The following COL18A1 variants were observed in gnomAD, a reference collection of about 807,000 sequenced individuals.
COL18A1 encodes the protein collagen alpha-1(XVIII) chain.
A neutral mutation model predicts 168.0 loss-of-function variants in COL18A1; 133 were observed. The observed-to-expected ratio is 0.79, with a 90% CI of 0.69 to 0.91. COL18A1 has a LOEUF of 0.91. Among genes scored for constraint, COL18A1 ranks in the 40% least tolerant of loss-of-function variants. The probability of loss-of-function intolerance (pLI) is 0.00; values close to 1 mark genes in which losing one functional copy is unlikely to be tolerated. For synonymous variants in COL18A1, 949 were observed against 809.0 expected (o/e 1.17, Z -2.94); for missense variants, 2,126 against 1,925.4 (o/e 1.10, Z -1.95).
At position 45,477,460 on chromosome 21, in the gene COL18A1, C is replaced by A; in HGVS notation, c.978C>A (p.Val326=). Residue 326 remains valine, a synonymous_variant, in exon 7 of 42, where the codon GTC becomes GTA. Coordinates refer to ENST00000651438, the MANE Select transcript of COL18A1 (RefSeq NM_001379500.1). The part of the protein sequence containing the change: ...SDSVSTWDGS[V]RTPGGRVKEG... ...CTGTCTCCACGTGGGACGGGAGTGT[C>A]CGGACCCCTGGGGGCCGCGTGAAAG... The A allele has an allele frequency of 6.2e-7, 1 of 1,612,684 alleles. No homozygotes were observed. Among genetic ancestry groups the A allele is most frequent in the Non-Finnish European group, 8.5e-7 (1 of 1,179,456 alleles).
intron 2 of COL18A1, among the ~76,000 whole-genome samples, chr21:45,442,185 G>A (rs1324465880): frequency 6.6e-6 from 1 of 152,216 alleles, no homozygotes; most frequent in Non-Finnish European, 1.5e-5. Context: ...CCTTGAGCCT[G>A]GACACTGGCC....
chr21:45,495,699 TACAC>T (rs943149141), intron 29 of COL18A1: 12 of 435,978 alleles, frequency 2.8e-5, no homozygotes, highest in South Asian at 2.0e-4. Flanking sequence ...TACATGCCCA[TACAC>T]ACGCGCACAC....
At chr21:45,436,701 C>T (rs1198506027) in intron 2 of COL18A1, among the ~76,000 whole-genome samples, 1 of 149,352 alleles carries the variant, frequency 6.7e-6, no homozygotes, top group Non-Finnish European at 1.5e-5. Context: ...TGAGGCTGCT[C>T]AGGGGACTGC....
At chr21:45,467,201 G>A (rs2035243050) in intron 2 of COL18A1, 5 of 981,178 alleles carry the variant, frequency 5.1e-6, no homozygotes, top group South Asian at 4.7e-5. Context: ...CCCCCCTCCC[G>A]TGGGCAGGAA....
chr21:45,478,291 A>C (rs1323892447), intron 8 of COL18A1, 36 bp from the exon 9 acceptor site: 2 of 1,613,794 alleles, frequency 1.2e-6, no homozygotes, highest in Non-Finnish European at 8.5e-7. Flanking sequence ...CGGAGGAGTC[A>C]TTTCCCATCA....
At chr21:45,491,670 G>A (rs2036358782) in intron 22 of COL18A1, among the ~76,000 whole-genome samples, 1 of 152,202 alleles carries the variant, frequency 6.6e-6, no homozygotes, top group Non-Finnish European at 1.5e-5. Flanking sequence ...TGCACCCTTG[G>A]CCCCTCTGGT....
intron 2 of COL18A1, chr21:45,455,472 G>C (rs1403465168): frequency 2.5e-6 from 4 of 1,603,184 alleles, no homozygotes; most frequent in Non-Finnish European, 3.4e-6. Flanking sequence ...AGCCTGGCTA[G>C]CCCCACCTCC....
chr21:45,498,504 G>A lies in COL18A1; in HGVS notation c.2683+843G>A, dbSNP rs1336493266. The A allele has an allele frequency of 1.4e-5, 10 of 715,882 alleles. No homozygotes were observed. Among genetic ancestry groups the A allele is most frequent in the Non-Finnish European group, 1.8e-5 (7 of 384,974 alleles). 44.3% of individuals were successfully genotyped at this position (715,882 alleles called of 1,614,324 possible). A position where few individuals can be genotyped will look rare whatever the true frequency, so the allele number is the denominator to read the frequency against. On this transcript the variant is annotated intron_variant, in intron 32 of 41. Transcript: ENST00000651438. This position sits in a 1 kb window ranked among gnomAD's most constrained non-coding sequence, Gnocchi z 4.5. ...CGCCAGGGTCCCCTCTCGCTGCCAG[G>A]GTCCTCTGCAGAGGAGGCCGCCATA... is the stretch of plus-strand genomic sequence containing the variant.
chr21:45,417,164 G>A (rs774666286), intron 2 of COL18A1, among the ~76,000 whole-genome samples: 2 of 152,136 alleles, frequency 1.3e-5, no homozygotes, highest in South Asian at 2.1e-4. Flanking sequence ...CTGGGATCCC[G>A]GAGAGCCCGC....
chr21:45,464,867 G>A (rs912244911), intron 2 of COL18A1, among the ~76,000 whole-genome samples: 1 of 152,166 alleles, frequency 6.6e-6, no homozygotes, highest in Non-Finnish European at 1.5e-5. Flanking sequence ...GCATCCCCTT[G>A]CCACGTAAAA....
chr21:45,478,229 G>A (rs762966603), intron 8 of COL18A1, 98 bp from the exon 9 acceptor site: 21 of 1,533,100 alleles, frequency 1.4e-5, no homozygotes, highest in Admixed American at 3.4e-5. Context: ...CTGCCGCCTC[G>A]TGGGGACTTG....
rs371933414 is a variant in COL18A1 at position 45,505,194 on chromosome 21, G to A, written c.2929G>A (p.Gly977Ser). 3.4e-5 allele frequency: 54 copies of A among 1,604,934 alleles called. No individual in the cohort carries two copies. Among genetic ancestry groups the A allele is most frequent in the Middle Eastern group, 1.7e-4 (1 of 6,024 alleles). The change falls in exon 35 of 42, where the codon GGC becomes AGC. Residue 977 changes from glycine (G) to serine (S), a missense_variant. Gly to Ser is a moderately conservative substitution (Grantham distance 56). Transcript: ENST00000651438. ...PGPPGPQGPP[G>S]IGYEGRQGPP... ...CCCACCTGGACCTCAGGGACCCCCCGGCATCGGCTACGAGGGGCGCCAGGG... is the reference window on the plus strand; with the variant it reads ...CCCACCTGGACCTCAGGGACCCCCCAGCATCGGCTACGAGGGGCGCCAGGG...
At chr21:45,484,270 T>C (rs1252489614) in intron 15 of COL18A1, among the ~76,000 whole-genome samples, 3 of 98,904 alleles carry the variant, frequency 3.0e-5, no homozygotes, top group African/African-American at 4.2e-5. Flanking sequence ...CACACACACA[T>C]AGGCACACAC....
At chr21:45,494,313 G>C in intron 26 of COL18A1, 1 of 552,066 alleles carries the variant, frequency 1.8e-6, no homozygotes, top group South Asian at 1.9e-5. Flanking sequence ...CAACCTGGAC[G>C]CAAACCCCAA....
chr21:45,462,490 T>A (rs1325178530), intron 2 of COL18A1, among the ~76,000 whole-genome samples: 1 of 152,230 alleles, frequency 6.6e-6, no homozygotes, highest in East Asian at 1.9e-4. Flanking sequence ...TATCTTATCT[T>A]CAAGCTCATT....
chr21:45,500,187 G>C (rs1246607884), intron 32 of COL18A1, among the ~76,000 whole-genome samples: 1 of 134,176 alleles, frequency 7.5e-6, no homozygotes, highest in East Asian at 2.2e-4. Flanking sequence ...TATAGTGTGG[G>C]TGTGTGTGGA....
chr21:45,449,729 C>A (rs1980484684), intron 2 of COL18A1, among the ~76,000 whole-genome samples: 1 of 152,174 alleles, frequency 6.6e-6, no homozygotes. Context: ...CCAGGCCTGG[C>A]CACCCGGCCC....
intron 2 of COL18A1, among the ~76,000 whole-genome samples, chr21:45,413,369 G>A (rs148676126): frequency 8.5e-5 from 13 of 152,378 alleles, no homozygotes; most frequent in South Asian, 2.1e-4. Flanking sequence ...AGGCTTCAAC[G>A]CCCCTGTCGC....
At chr21:45,470,955 C>A (rs1439886918) in intron 3 of COL18A1, among the ~76,000 whole-genome samples, 1 of 150,914 alleles carries the variant, frequency 6.6e-6, no homozygotes, top group East Asian at 1.9e-4. Flanking sequence ...GTGCAGCAGG[C>A]CGTGTGCTGC....
Sources: allele counts gnomAD v4.1 joint callset (sites outside exome capture counted in the v4.1 genomes callset), GRCh38; gene constraint gnomAD v4.1.1; non-coding constraint Gnocchi (gnomAD v3.1); transcripts MANE v1.5; gene names NCBI Gene and HGNC (gene_info 2026-07-23, HGNC 2026-07-21).